Variants in USP43 observed in about 807,000 individuals in gnomAD.
USP43 encodes the protein ubiquitin carboxyl-terminal hydrolase 43.
A neutral mutation model predicts 90.7 loss-of-function variants in USP43; 33 were observed. The ratio of observed to expected loss-of-function variants is 0.36; its 90% CI spans 0.28 to 0.49. The LOEUF is 0.49. USP43 is among the 20% of genes least tolerant of loss of function. The probability of loss-of-function intolerance (pLI) is 0.98; values close to 1 mark genes in which losing one functional copy is unlikely to be tolerated. For missense variants in USP43, 1,274 were observed against 1,476.4 expected (o/e 0.86, Z 2.25); for synonymous variants, 598 against 615.8 (o/e 0.97, Z 0.43).
At position 9,701,443 on chromosome 17, in the gene USP43, T is replaced by A; in HGVS notation, c.1754T>A (p.Leu585His). 1 of 1,598,266 alleles carries A rather than the reference T, an allele frequency of 6.3e-7. No homozygotes were observed. The highest frequency in any genetic ancestry group is 2.3e-5 in the East Asian group (1 of 44,248). The change falls in exon 12 of 15, where the codon CTC becomes CAC. Residue 585 changes from leucine to histidine, a missense_variant. Leu to His is a moderately conservative substitution (Grantham distance 99). Transcript: ENST00000285199. The surrounding 1 kb of genome is among the most constrained non-coding windows in gnomAD (Gnocchi z 7.2). ...AGTTTGTGGACGCTGCCTGACATCC[T>A]CATCATCCACCTCAAAAGGTTCTGC... is the stretch of plus-strand genomic sequence containing the variant. ...KLSLWTLPDI[L>H]IIHLKRFCQV...
At chr17:9,651,761 C>G (rs1230763962) in intron 1 of USP43, among the ~76,000 whole-genome samples, 1 of 152,038 alleles carries the variant, frequency 6.6e-6, no homozygotes, top group African/African-American at 2.4e-5. Flanking sequence ...AACAAGGATG[C>G]CTTCTTCACC....
At chr17:9,656,559 A>T (rs1443643149) in intron 2 of USP43, 25 bp downstream of exon 2, 3 of 1,598,170 alleles carry the variant, frequency 1.9e-6, no homozygotes, top group Non-Finnish European at 2.6e-6. Context: ...AAACAACACA[A>T]TGTACTGGGT....
intron 12 of USP43, among the ~76,000 whole-genome samples, chr17:9,702,727 G>A (rs1159070956): frequency 2.0e-5 from 3 of 152,182 alleles, no homozygotes; most frequent in Non-Finnish European, 4.4e-5. Flanking sequence ...GGTAGCTGCG[G>A]CAATTGAGTG....
At chr17:9,653,414 C>A (rs1912011695) in intron 1 of USP43, among the ~76,000 whole-genome samples, 1 of 152,022 alleles carries the variant, frequency 6.6e-6, no homozygotes, top group South Asian at 2.1e-4. Context: ...ATGGCGAAAC[C>A]CCATCTTTAC....
intron 2 of USP43, among the ~76,000 whole-genome samples, chr17:9,662,728 C>G (rs1912732191): frequency 6.6e-6 from 1 of 152,138 alleles, no homozygotes; most frequent in South Asian, 2.1e-4. Context: ...GAGTTCAAAA[C>G]TCATCAGGTA....
chr17:9,706,631 A>ATTTTTT (rs34165346), intron 12 of USP43, among the ~76,000 whole-genome samples: 19 of 84,464 alleles, frequency 2.2e-4, no homozygotes, highest in Non-Finnish European at 3.8e-4. Context: ...TCAGATATTA[A>ATTTTTT]TTTTTTTTTT....
chr17:9,670,186 G>C (rs1597830876), intron 3 of USP43, among the ~76,000 whole-genome samples: 6 of 152,078 alleles, frequency 3.9e-5, no homozygotes, highest in Admixed American at 3.3e-4. Flanking sequence ...CTACAGGCGT[G>C]TGCCACCATG....
intron 14 of USP43, 114 bp downstream of exon 14, chr17:9,712,246 C>A: frequency 7.8e-7 from 1 of 1,278,308 alleles, no homozygotes; most frequent in Non-Finnish European, 1.0e-6. Context: ...TCCATCATTA[C>A]GAGAGGTTTG....
intron 14 of USP43, among the ~76,000 whole-genome samples, chr17:9,724,364 A>G (rs1031630215): frequency 6.6e-6 from 1 of 152,168 alleles, no homozygotes; most frequent in African/African-American, 2.4e-5. Flanking sequence ...CAGGCTGTGA[A>G]GTAATTGTAC....
Position 9,686,420 on chromosome 17 carries a change from C to G in USP43, c.1242-378C>G, listed in dbSNP as rs1914601566. Among the ~76,000 whole-genome samples the G allele has an allele frequency of 6.6e-6, 1 of 152,112 alleles. No homozygotes were observed. The highest frequency in any genetic ancestry group is 1.5e-5 in the Non-Finnish European group (1 of 68,008). On this transcript the variant is annotated intron_variant, in intron 7 of 14. Coordinates refer to ENST00000285199, the MANE Select transcript of USP43 (RefSeq NM_153210.5). The surrounding 1 kb of genome is among the most constrained non-coding windows in gnomAD (Gnocchi z 5.5). ...TTCTCCACGGTGTCTCCATTCCCAC[C>G]AACAGTGTATAAGAGTTCCCTTTTC...
intron 9 of USP43, among the ~76,000 whole-genome samples, chr17:9,697,204 G>C (rs190534873): frequency 1.3e-5 from 2 of 152,018 alleles, no homozygotes; most frequent in Admixed American, 1.3e-4. Context: ...GCAACAGAGC[G>C]AGACTCTGTC....
intron 1 of USP43, among the ~76,000 whole-genome samples, chr17:9,654,246 T>C (rs747965067): frequency 1.3e-5 from 2 of 152,206 alleles, no homozygotes; most frequent in Non-Finnish European, 2.9e-5. Context: ...ATATTTCTAC[T>C]AAAAACATAT....
intron 14 of USP43, among the ~76,000 whole-genome samples, chr17:9,724,422 G>A (rs908794834): frequency 6.6e-6 from 1 of 152,226 alleles, no homozygotes; most frequent in Non-Finnish European, 1.5e-5. Flanking sequence ...GCTCACGCCT[G>A]TAATCCCAGC....
intron 14 of USP43, among the ~76,000 whole-genome samples, chr17:9,724,495 C>T (rs113363014): frequency 0.041 from 6,285 of 152,046 alleles, 245 homozygotes; most frequent in East Asian, 0.22. Flanking sequence ...GTCTGGCCAA[C>T]GTGGTGAAAC....
At chr17:9,680,834 TA>T (rs1914116493) in intron 6 of USP43, among the ~76,000 whole-genome samples, 1 of 151,748 alleles carries the variant, frequency 6.6e-6, no homozygotes, top group African/African-American at 2.4e-5. Context: ...AGTACGTGGT[TA>T]AAGTTTTATT....
chr17:9,701,050 T>C lies in USP43; in HGVS notation c.1536-69T>C, dbSNP rs1915534211. On this transcript the variant is annotated intron_variant, in intron 10 of 14. Transcript: ENST00000285199. This position sits in a 1 kb window ranked among gnomAD's most constrained non-coding sequence, Gnocchi z 7.2. ...TGTCTGCTGACGGGTTTGCTGTGAG[T>C]AGAGACATAGACGAAACCTGTCTGG... The C allele has an allele frequency of 1.4e-6, 2 of 1,422,798 alleles. No homozygotes were observed. Among genetic ancestry groups the C allele is most frequent in the Middle Eastern group, 2.3e-4 (1 of 4,264 alleles). 88.1% of individuals were successfully genotyped at this position (1,422,798 alleles called of 1,614,324 possible).
chr17:9,648,510 G>A (rs1420427247), intron 1 of USP43, among the ~76,000 whole-genome samples: 8 of 152,154 alleles, frequency 5.3e-5, no homozygotes, highest in Admixed American at 5.2e-4. Flanking sequence ...ATGTTAGAAA[G>A]GACAAATACA....
At chr17:9,724,464 G>A in intron 14 of USP43, among the ~76,000 whole-genome samples, 1 of 152,186 alleles carries the variant, frequency 6.6e-6, no homozygotes, top group East Asian at 1.9e-4. Flanking sequence ...TGGATCACCT[G>A]AGGTCAGGAG....
At position 9,729,045 on chromosome 17, in the gene USP43, T is replaced by A; in HGVS notation, c.*55T>A. ...CATTCTTGGGACTTTGCCAAGCAAC[T>A]GTAGGCAGCTCATGTTGAGAATGGG... On this transcript the variant is annotated 3_prime_UTR_variant, in exon 15 of 15. Coordinates refer to ENST00000285199, the MANE Select transcript of USP43 (RefSeq NM_153210.5). 6.9e-7 allele frequency: 1 copy of A among 1,448,888 alleles called. No homozygotes were observed. Among genetic ancestry groups the A allele is most frequent in the Non-Finnish European group, 9.1e-7 (1 of 1,093,642 alleles). 89.8% of individuals were successfully genotyped at this position (1,448,888 alleles called of 1,614,324 possible). A position where few individuals can be genotyped will look rare whatever the true frequency, so the allele number is the denominator to read the frequency against.
Sources: gnomAD v4.1 joint callset for allele counts (sites outside exome capture counted in the v4.1 genomes callset) on GRCh38, gnomAD v4.1.1 for gene constraint, Gnocchi (gnomAD v3.1) non-coding constraint, MANE v1.5 for transcripts, NCBI Gene and HGNC (gene_info 2026-07-23, HGNC 2026-07-21) for gene names.